The following GRM5 variants were observed in gnomAD, a reference collection of about 807,000 sequenced individuals.
GRM5 encodes the protein metabotropic glutamate receptor 5.
GRM5 carries 19 observed loss-of-function variants against 83.1 expected under a neutral mutation model. The observed-to-expected ratio is 0.23, with a 90% CI of 0.16 to 0.34. The LOEUF is 0.34. Ranked by LOEUF, GRM5 falls within the 10% of genes least tolerant of loss-of-function variation. The probability of loss-of-function intolerance (pLI) is 1.00; values close to 1 mark genes in which losing one functional copy is unlikely to be tolerated. For missense variants in GRM5, 1,160 were observed against 1,588.3 expected (o/e 0.73, Z 4.58); for synonymous variants, 675 against 633.6 (o/e 1.07, Z -0.98).
chr11:88,819,864 A>T (rs1340200094), intron 3 of GRM5, among the ~76,000 whole-genome samples: 1 of 152,124 alleles, frequency 6.6e-6, no homozygotes, highest in Non-Finnish European at 1.5e-5. Context: ...AAGGCGAGCA[A>T]ATATGTGTGC....
At chr11:89,013,215 A>G (rs538569526) in intron 2 of GRM5, among the ~76,000 whole-genome samples, 10 of 152,188 alleles carry the variant, frequency 6.6e-5, no homozygotes, top group Non-Finnish European at 1.3e-4. Context: ...GAAGCTAAGC[A>G]TATGTGTTAT....
chr11:88,874,330 A>G (rs191730531), intron 2 of GRM5, among the ~76,000 whole-genome samples: 7 of 152,022 alleles, frequency 4.6e-5, no homozygotes, highest in Non-Finnish European at 1.0e-4. Flanking sequence ...CAGAACACAC[A>G]TTAGGGAAGG....
At chr11:88,922,143 T>C (rs1426302531) in intron 2 of GRM5, among the ~76,000 whole-genome samples, 1 of 152,158 alleles carries the variant, frequency 6.6e-6, no homozygotes, top group Non-Finnish European at 1.5e-5. Flanking sequence ...TTTAACATTG[T>C]TAAAATGCCC....
chr11:88,668,985 T>A (rs1016907811), intron 3 of GRM5, among the ~76,000 whole-genome samples: 1 of 152,166 alleles, frequency 6.6e-6, no homozygotes, highest in Non-Finnish European at 1.5e-5. Context: ...GTGCAACCAC[T>A]ATGGAAAACA....
intron 2 of GRM5, among the ~76,000 whole-genome samples, chr11:89,046,373 A>T (rs945070202): frequency 6.7e-6 from 1 of 148,154 alleles, no homozygotes; most frequent in Non-Finnish European, 1.5e-5. Context: ...TAATATACAC[A>T]TTTTTTTTTT....
At chr11:88,783,406 A>G (rs1943009780) in intron 3 of GRM5, among the ~76,000 whole-genome samples, 1 of 152,108 alleles carries the variant, frequency 6.6e-6, no homozygotes, top group Admixed American at 6.6e-5. Flanking sequence ...TATCACATAC[A>G]AGATGGCTAT....
intron 2 of GRM5, among the ~76,000 whole-genome samples, chr11:88,879,441 ATAAT>A (rs1329769665): frequency 2.0e-5 from 3 of 151,640 alleles, no homozygotes; most frequent in Admixed American, 6.6e-5. Context: ...TATTATATTA[ATAAT>A]TAATAAAAAA....
rs75266285 is a variant in GRM5 at position 88,597,330 on chromosome 11, C to G, written c.1417G>C (p.Glu473Gln). The stretch of plus-strand genomic sequence containing the variant: ...TAATCAAAGTAATCTTTTCCCATTT[C>G]CTTGAAATTCATTATTTCATACCTT... ...PGRYEIMNFK[E>Q]MGKDYFDYIN... The change falls in exon 6 of 10, where the codon GAA (glutamate) becomes CAA (glutamine). Residue 473 changes from glutamate (E) to glutamine (Q), a missense_variant. Transcript: ENST00000305447. 4.3e-5 allele frequency: 66 copies of G among 1,530,584 alleles called. No homozygotes were observed. The highest frequency in any genetic ancestry group is 5.7e-5 in the Non-Finnish European group (63 of 1,109,180). The allele number at this position is 1,530,584 out of a possible 1,614,324, so 94.8% of individuals were successfully genotyped here. A position where few individuals can be genotyped will look rare whatever the true frequency, so the allele number is the denominator to read the frequency against.
Position 88,716,731 on chromosome 11 carries a change from G to T in GRM5, c.912-63328C>A, listed in dbSNP as rs181660423. On this transcript the variant is annotated intron_variant, in intron 3 of 9. Coordinates refer to ENST00000305447, the MANE Select transcript of GRM5 (RefSeq NM_001143831.3). ...GACATTAGTCTCATTTTCCAGTAGG[G>T]AAACTGAGACTCAGTTATATTTAAC... 5.8e-3 allele frequency among the ~76,000 whole-genome samples: 886 copies of T among 152,022 alleles called. 4 individuals are homozygous for T. Among genetic ancestry groups the T allele is most frequent in the Non-Finnish European group, 9.8e-3 (667 of 67,904 alleles).
chr11:88,605,047 G>T (rs1466527340), intron 4 of GRM5, 83 bp from the exon 5 acceptor site: 3 of 1,129,482 alleles, frequency 2.7e-6, no homozygotes, highest in East Asian at 2.4e-5. Flanking sequence ...TGGGTTACCT[G>T]TAATTAGAGA....
chr11:88,794,512 A>T (rs1943238195), intron 3 of GRM5, among the ~76,000 whole-genome samples: 1 of 152,206 alleles, frequency 6.6e-6, no homozygotes, highest in Non-Finnish European at 1.5e-5. Flanking sequence ...ATTCTGTTAG[A>T]CATTTAGAGG....
chr11:88,626,301 T>G (rs1938795394), intron 4 of GRM5, among the ~76,000 whole-genome samples: 1 of 152,216 alleles, frequency 6.6e-6, no homozygotes, highest in Non-Finnish European at 1.5e-5. Context: ...TTGCTAGAAT[T>G]TCACAGATGT....
chr11:88,999,753 A>T (rs1940309445), intron 2 of GRM5, among the ~76,000 whole-genome samples: 1 of 152,190 alleles, frequency 6.6e-6, no homozygotes, highest in South Asian at 2.1e-4. Flanking sequence ...TACCCGAAGG[A>T]TCATAAATCA....
chr11:88,538,638 A>T (rs946977413), intron 8 of GRM5, among the ~76,000 whole-genome samples: 1 of 152,236 alleles, frequency 6.6e-6, no homozygotes, highest in Non-Finnish European at 1.5e-5. Flanking sequence ...ACAATTGGAA[A>T]TGCAGTGAAG....
chr11:88,867,645 C>T (rs947376401), intron 2 of GRM5, among the ~76,000 whole-genome samples: 3 of 151,368 alleles, frequency 2.0e-5, no homozygotes, highest in Non-Finnish European at 4.4e-5. Context: ...GCAAAAAAAT[C>T]ATATGGGTGG....
intron 4 of GRM5, among the ~76,000 whole-genome samples, chr11:88,623,658 G>A (rs755070802): frequency 1.3e-5 from 2 of 152,170 alleles, no homozygotes; most frequent in Non-Finnish European, 2.9e-5. Flanking sequence ...CAGTAAATTG[G>A]CAGCTGTATT....
chr11:89,014,820 A>T lies in GRM5; in HGVS notation c.661+32392T>A, dbSNP rs561448641. ...TATATATACCTACTCTGTACCCACA[A>T]AAAGTCTTAAAAATAATTTTTTAAA... On this transcript the variant is annotated intron_variant, in intron 2 of 9. Coordinates refer to ENST00000305447, the MANE Select transcript of GRM5 (RefSeq NM_001143831.3). Among the ~76,000 whole-genome samples the T allele has an allele frequency of 7.9e-5, 12 of 152,308 alleles. 1 individual carries two copies. Among genetic ancestry groups the T allele is most frequent in the Middle Eastern group, 3.4e-3 (1 of 292 alleles).
At chr11:89,056,663 AGATAATGGG>A (rs1383679726) in intron 1 of GRM5, among the ~76,000 whole-genome samples, 1 of 152,192 alleles carries the variant, frequency 6.6e-6, no homozygotes, top group African/African-American at 2.4e-5. Flanking sequence ...TTTATCCTGT[AGATAATGGG>A]GAGGCATTAA....
At chr11:88,725,448 G>A (rs1206668041) in intron 3 of GRM5, among the ~76,000 whole-genome samples, 4 of 152,156 alleles carry the variant, frequency 2.6e-5, no homozygotes, top group African/African-American at 9.7e-5. Context: ...AGGGGTGACT[G>A]TGGGCGCAGC....
Sources: gnomAD v4.1 joint callset for allele counts (sites outside exome capture counted in the v4.1 genomes callset) on GRCh38, gnomAD v4.1.1 for gene constraint, MANE v1.5 for transcripts, NCBI Gene and HGNC (gene_info 2026-07-23, HGNC 2026-07-21) for gene names.